Variants in DLGAP2 observed in about 807,000 individuals in gnomAD.
DLGAP2 encodes the protein disks large-associated protein 2.
DLGAP2 carries 26 observed loss-of-function variants against 100.3 expected under a neutral mutation model. The observed-to-expected ratio is 0.26, with a 90% confidence interval of 0.19 to 0.36. DLGAP2 has a LOEUF of 0.36. DLGAP2 is among the 10% of genes least tolerant of loss of function. DLGAP2 has a pLI of 1.00. For missense variants in DLGAP2, 1,858 were observed against 1,453.2 expected, an observed-to-expected ratio of 1.28 and a Z score of -4.53; for synonymous variants, 886 against 630.1, an observed-to-expected ratio of 1.41 and a Z score of -6.08.
intron 2 of DLGAP2, among the ~76,000 whole-genome samples, chr8:1,067,992 A>G (rs914035160): frequency 6.6e-6 from 1 of 152,168 alleles, no homozygotes; most frequent in African/African-American, 2.4e-5. Flanking sequence ...TGGCAAACAC[A>G]GGACCATTGA....
chr8:1,119,727 A>G (rs1795992357), intron 2 of DLGAP2, among the ~76,000 whole-genome samples: 1 of 152,200 alleles, frequency 6.6e-6, no homozygotes, highest in Non-Finnish European at 1.5e-5. Flanking sequence ...AACTTTTTAT[A>G]TCCAATGGGG....
intron 13 of DLGAP2, among the ~76,000 whole-genome samples, chr8:1,694,181 G>C (rs536269483): frequency 2.7e-4 from 41 of 152,328 alleles, no homozygotes; most frequent in South Asian, 6.2e-4. Flanking sequence ...TTCTATTCAG[G>C]ATTAGTAGAA....
At chr8:885,172 G>A (rs1234721426) in intron 1 of DLGAP2, among the ~76,000 whole-genome samples, 2 of 152,346 alleles carry the variant, frequency 1.3e-5, no homozygotes, top group African/African-American at 4.8e-5. Context: ...TGTGAAGAAT[G>A]TCAGTGGTAG....
chr8:1,535,462 AGT>A (rs955436836), intron 4 of DLGAP2, among the ~76,000 whole-genome samples: 1 of 152,192 alleles, frequency 6.6e-6, no homozygotes, highest in African/African-American at 2.4e-5. Flanking sequence ...TACGGGGCTG[AGT>A]GTGTCGACAC....
At chr8:798,282 G>A (rs899678319) in intron 1 of DLGAP2, among the ~76,000 whole-genome samples, 17 of 149,304 alleles carry the variant, frequency 1.1e-4, no homozygotes, top group African/African-American at 4.2e-4. Context: ...CTGCAGCCCC[G>A]TGCCCCGGCG....
chr8:927,249 A>T lies in DLGAP2; in HGVS notation c.73+19283A>T, dbSNP rs117994128. The T allele has an allele frequency of 5.3e-5, 52 of 984,244 alleles. No homozygotes were observed. The East Asian group carries it at 5.3e-3, about 101-fold the overall frequency. 61.0% of individuals were successfully genotyped at this position (984,244 alleles called of 1,614,324 possible). On this transcript the variant is annotated intron_variant, in intron 2 of 14. Transcript: ENST00000637795. The stretch of plus-strand genomic sequence containing the variant: ...GATCCATTATGGGGGATTCATGTTG[A>T]TGGAGGACAGTGATGAGCCTATGGG...
Position 928,230 on chromosome 8 carries a change from A to G in DLGAP2, c.73+20264A>G, listed in dbSNP as rs139041155. 9.5e-3 allele frequency among the ~76,000 whole-genome samples: 1,440 copies of G among 152,296 alleles called. 8 individuals are homozygous for G. The highest frequency in any genetic ancestry group is 0.016 in the Non-Finnish European group (1,103 of 68,024). On this transcript the variant is annotated intron_variant, in intron 2 of 14. Transcript: ENST00000637795. ...GCAGATTTACGAGATTTTCCTGGACATGATTCCCTGAGGTCGAGTTTGCGT... is the reference window on the plus strand; with the variant it reads ...GCAGATTTACGAGATTTTCCTGGACGTGATTCCCTGAGGTCGAGTTTGCGT...
At position 1,296,811 on chromosome 8, in the gene DLGAP2, G is replaced by T. The variant is rs552975803; in HGVS notation, c.106+37928G>T. Among the ~76,000 whole-genome samples, 44 of 152,292 alleles carry T rather than the reference G, an allele frequency of 2.9e-4. No homozygotes were observed. In the South Asian group the frequency reaches 5.2e-3, roughly 18 times the overall value. ...CAGATGGTGTGGTGGGTGCACAGCC[G>T]CACCGGAGCGGCCCCCGAACCACAC... On this transcript the variant is annotated intron_variant, in intron 3 of 14. Transcript: ENST00000637795.
intron 3 of DLGAP2, among the ~76,000 whole-genome samples, chr8:1,330,435 G>A (rs1169278842): frequency 7.0e-6 from 1 of 141,924 alleles, no homozygotes; most frequent in Admixed American, 7.1e-5. Context: ...CGGGGACTGA[G>A]TTCTGGGTGG....
chr8:1,140,185 C>T (rs926210614), intron 2 of DLGAP2, among the ~76,000 whole-genome samples: 21 of 152,080 alleles, frequency 1.4e-4, no homozygotes, highest in African/African-American at 3.4e-4. Context: ...CGGGGAGGTG[C>T]GACCAGGGTG....
chr8:861,114 G>C (rs759799592), intron 1 of DLGAP2, among the ~76,000 whole-genome samples: 4 of 152,138 alleles, frequency 2.6e-5, no homozygotes. Flanking sequence ...CCGGGACCGG[G>C]TGGTGCAGGG....
At chr8:1,556,921 A>G (rs80175281) in intron 5 of DLGAP2, among the ~76,000 whole-genome samples, 2,543 of 152,124 alleles carry the variant, frequency 0.017, 71 homozygotes, top group African/African-American at 0.05. Context: ...TGCACCCAGC[A>G]TTTCTCAAGC....
intron 3 of DLGAP2, among the ~76,000 whole-genome samples, chr8:1,273,979 C>T (rs1270820006): frequency 1.3e-5 from 2 of 152,106 alleles, no homozygotes; most frequent in Non-Finnish European, 2.9e-5. Flanking sequence ...AGTTCCAAAC[C>T]TGAGTCATTC....
chr8:1,108,695 G>C (rs1290009371), intron 2 of DLGAP2, among the ~76,000 whole-genome samples: 17 of 144,306 alleles, frequency 1.2e-4, no homozygotes, highest in Non-Finnish European at 2.3e-4. Flanking sequence ...AGGTGTGCAT[G>C]GGTCTGTGAG....
Position 1,678,313 on chromosome 8 carries a change from C to G in DLGAP2, c.2388C>G (p.Gly796=). Residue 796 remains glycine (G), a synonymous_variant, in exon 12 of 15, where the codon GGC becomes GGG. Transcript: ENST00000637795. ...FPGHITTEDK[G]LQFGSSFQRH... Reference sequence around the variant, plus strand: ...GCCACATCACCACGGAGGACAAAGGCCTTCAGTTCGGCTCATCCTTCCAGC... The same window carrying G: ...GCCACATCACCACGGAGGACAAAGGGCTTCAGTTCGGCTCATCCTTCCAGC... 1 of 1,614,018 alleles carries G rather than the reference C, an allele frequency of 6.2e-7. No homozygotes were observed. The highest frequency in any genetic ancestry group is 2.2e-5 in the East Asian group (1 of 44,876).
chr8:1,287,153 TGTGTGC>T (rs1488534872), intron 3 of DLGAP2, among the ~76,000 whole-genome samples: 48 of 127,794 alleles, frequency 3.8e-4, no homozygotes, highest in African/African-American at 7.3e-4. Flanking sequence ...TGTGTGTGTG[TGTGTGC>T]GCGCGCGCGC....
intron 2 of DLGAP2, among the ~76,000 whole-genome samples, chr8:947,056 G>A (rs747075702): frequency 6.6e-6 from 1 of 152,198 alleles, no homozygotes; most frequent in Non-Finnish European, 1.5e-5. Context: ...CCAGGAAGGC[G>A]CCTCCCAAGA....
intron 1 of DLGAP2, among the ~76,000 whole-genome samples, chr8:795,097 T>G (rs1040618700): frequency 3.3e-5 from 5 of 152,192 alleles, no homozygotes; most frequent in African/African-American, 1.2e-4. Flanking sequence ...CTGCATTTTC[T>G]CAAGTAACCA....
intron 2 of DLGAP2, among the ~76,000 whole-genome samples, chr8:929,921 C>G (rs550321618): frequency 4.0e-5 from 6 of 151,840 alleles, no homozygotes; most frequent in Non-Finnish European, 8.8e-5. Flanking sequence ...ACTTTGGTCT[C>G]TGGCTTTGTT....
Sources: allele counts gnomAD v4.1 joint callset (sites outside exome capture counted in the v4.1 genomes callset), GRCh38; gene constraint gnomAD v4.1.1; transcripts MANE v1.5; gene names NCBI Gene and HGNC (gene_info 2026-07-23, HGNC 2026-07-21).